KDM2B: variants seen among roughly 807,000 people sequenced by gnomAD.
KDM2B encodes lysine demethylase 2B.
KDM2B carries 26 observed loss-of-function variants against 150.0 expected under a neutral mutation model. The observed-to-expected ratio is 0.17, with a 90% CI of 0.13 to 0.24. The LOEUF (loss-of-function observed/expected upper bound fraction) is 0.24, where lower values mean the gene tolerates loss of function less well. KDM2B is among the 10% of genes least tolerant of loss of function. The pLI is 1.00. For missense variants in KDM2B, 1,265 were observed against 1,816.9 expected, an observed-to-expected ratio of 0.70 and a Z score of 5.52; for synonymous variants, 734 against 729.5, an observed-to-expected ratio of 1.01 and a Z score of -0.10.
chr12:121,428,523 T>G (rs996932716), downstream of KDM2B, among the ~76,000 whole-genome samples: 1 of 152,168 alleles, frequency 6.6e-6, no homozygotes, highest in Non-Finnish European at 1.5e-5. Context: ...AAGGGACAAA[T>G]AGAAAACTCA....
chr12:121,440,372 C>T, intron 21 of KDM2B: 1 of 467,992 alleles, frequency 2.1e-6, no homozygotes, highest in Non-Finnish European at 3.9e-6. Context: ...ATCCCCATGG[C>T]TTGGCGAGAA....
intron 4 of KDM2B, among the ~76,000 whole-genome samples, chr12:121,558,433 G>T (rs572331357): frequency 6.6e-6 from 1 of 151,146 alleles, no homozygotes; most frequent in East Asian, 1.9e-4. Flanking sequence ...TGTGGAGAAG[G>T]CCTGTGTTTC....
Position 121,516,992 on chromosome 12 carries a change from G to A in KDM2B, c.1048-3590C>T, listed in dbSNP as rs570800070. 106 of 593,420 alleles carry A rather than the reference G, an allele frequency of 1.8e-4. No homozygotes were observed. In the Middle Eastern group the frequency reaches 2.2e-3, roughly 12 times the overall value. The allele number at this position is 593,420 out of a possible 1,614,324, so 36.8% of individuals were successfully genotyped here. The stretch of plus-strand genomic sequence containing the variant: ...TGGCTGTAAGGGAATGGGGCATGTC[G>A]GCATTACCTTTTCTGGGAAGGCTGC... On this transcript the variant is annotated intron_variant, in intron 9 of 22. Coordinates refer to ENST00000377071, the MANE Select transcript of KDM2B (RefSeq NM_032590.5).
chr12:121,444,620 A>T, intron 14 of KDM2B, 84 bp from the exon 15 acceptor site: 2 of 1,114,844 alleles, frequency 1.8e-6, no homozygotes, highest in South Asian at 2.5e-5. Context: ...CACGTCTTCC[A>T]GAAGCAGCAG....
chr12:121,476,332 T>C (rs1450588495), intron 12 of KDM2B, among the ~76,000 whole-genome samples: 2 of 151,918 alleles, frequency 1.3e-5, no homozygotes, highest in African/African-American at 2.4e-5. Flanking sequence ...GTAGTATGCC[T>C]GTAGTCCCAG....
chr12:121,482,492 A>G (rs1555298102), intron 12 of KDM2B, among the ~76,000 whole-genome samples: 2 of 151,884 alleles, frequency 1.3e-5, no homozygotes, highest in Non-Finnish European at 2.9e-5. Context: ...TAGTAGAGAC[A>G]GGTTTCACCA....
At chr12:121,502,902 G>A (rs1166142872) in intron 11 of KDM2B, among the ~76,000 whole-genome samples, 2 of 151,540 alleles carry the variant, frequency 1.3e-5, no homozygotes, top group Non-Finnish European at 2.9e-5. Flanking sequence ...TCCAGCCTCG[G>A]TGACAGAGCA....
chr12:121,486,333 CT>C (rs71079073), intron 12 of KDM2B, among the ~76,000 whole-genome samples: 596 of 58,948 alleles, frequency 0.01, 2 homozygotes, highest in Middle Eastern at 0.023. Flanking sequence ...TTTCGAACTC[CT>C]TTTTTTTTTT....
chr12:121,532,731 C>A, intron 8 of KDM2B, 75 bp downstream of exon 8: 3 of 1,507,252 alleles, frequency 2.0e-6, no homozygotes, highest in Non-Finnish European at 2.7e-6. Flanking sequence ...CCCAGAGCAA[C>A]CCTCAGGGGG....
At chr12:121,408,987 T>C in the KDM2B span, among the ~76,000 whole-genome samples, 1 of 152,090 alleles carries the variant, frequency 6.6e-6, no homozygotes, top group African/African-American at 2.4e-5. Flanking sequence ...TCTTTTTTTT[T>C]TTGAGATGGA....
chr12:121,455,823 A>C (rs6489811), intron 12 of KDM2B, among the ~76,000 whole-genome samples: 1 of 151,980 alleles, frequency 6.6e-6, no homozygotes, highest in Non-Finnish European at 1.5e-5. Context: ...CACTACACAC[A>C]TCCATCCGAG....
At chr12:121,413,120 G>A in the KDM2B span, among the ~76,000 whole-genome samples, 3 of 145,792 alleles carry the variant, frequency 2.1e-5, no homozygotes, top group Non-Finnish European at 3.0e-5. Context: ...CCGCCTCCCC[G>A]GTTCAAGCGA....
At chr12:121,534,326 G>C (rs1380310213) in intron 7 of KDM2B, among the ~76,000 whole-genome samples, 171 bp downstream of exon 7, 1 of 151,350 alleles carries the variant, frequency 6.6e-6, no homozygotes, top group Non-Finnish European at 1.5e-5. Flanking sequence ...TCCAGCCTGG[G>C]CGACAGAGCG....
In KDM2B at chr12:121,442,660, C is replaced by A. The variant is rs370303545; in HGVS notation, c.2781G>T (p.Pro927=). ...AGPSTEGAEG[P]EEKKKVKMRR... is the part of the protein sequence containing the mutation. Reference sequence around the variant, plus strand: ...GCATCTTCACCTTCTTCTTCTCCTCCGGGCCCTCGGCCCCTTCGGTGCTGG... The same window carrying A: ...GCATCTTCACCTTCTTCTTCTCCTCAGGGCCCTCGGCCCCTTCGGTGCTGG... The change falls in exon 19 of 23, where the codon CCG becomes CCT. Residue 927 remains proline, a synonymous_variant. Transcript: ENST00000377071. This position sits in a 1 kb window ranked among gnomAD's most constrained non-coding sequence, Gnocchi z 7.7. The A allele has an allele frequency of 6.2e-7, 1 of 1,605,356 alleles. No homozygotes were observed. Among genetic ancestry groups the A allele is most frequent in the South Asian group, 1.1e-5 (1 of 90,408 alleles).
At chr12:121,572,486 T>C (rs545500922) in intron 4 of KDM2B, among the ~76,000 whole-genome samples, 13 of 152,264 alleles carry the variant, frequency 8.5e-5, no homozygotes, top group African/African-American at 3.1e-4. Flanking sequence ...ACCTAGAATG[T>C]CTTTTCCCAC....
At chr12:121,507,909 G>A (rs111325548) in intron 11 of KDM2B, among the ~76,000 whole-genome samples, 8,038 of 152,234 alleles carry the variant, frequency 0.053, 291 homozygotes, top group Middle Eastern at 0.099. Flanking sequence ...TACTTGGGAG[G>A]CTGAGGCAGA....
chr12:121,564,053 G>A (rs1029192330), intron 4 of KDM2B, among the ~76,000 whole-genome samples: 5 of 151,402 alleles, frequency 3.3e-5, no homozygotes, highest in East Asian at 1.9e-4. Flanking sequence ...AGGTTGAGGC[G>A]GCAGTGAGCT....
downstream of KDM2B, among the ~76,000 whole-genome samples, chr12:121,424,710 CAAAAA>C (rs112812260): frequency 1.7e-5 from 2 of 116,512 alleles, no homozygotes; most frequent in Non-Finnish European, 3.7e-5. Context: ...GACCTTGTCT[CAAAAA>C]AAAAAAAAAA....
chr12:121,441,386 C>G (rs1373496075), intron 19 of KDM2B, 153 bp from the exon 20 acceptor site: 7 of 650,758 alleles, frequency 1.1e-5, no homozygotes, highest in Non-Finnish European at 1.8e-5. Context: ...ATCCTGCCCC[C>G]ACGCGGGCAC....
Sources: allele counts gnomAD v4.1 joint callset (sites outside exome capture counted in the v4.1 genomes callset), GRCh38; gene constraint gnomAD v4.1.1; non-coding constraint Gnocchi (gnomAD v3.1); transcripts MANE v1.5; gene names NCBI Gene and HGNC (gene_info 2026-07-23, HGNC 2026-07-21).